The following FBXW10B variants were observed in gnomAD, a reference collection of about 807,000 sequenced individuals.
FBXW10B encodes F-box and WD repeat domain containing 10B, also known as F-box and WD repeat domain containing protein 10B.
chr17:15,586,801 G>C, the FBXW10B span, among the ~76,000 whole-genome samples: 5 of 151,614 alleles, frequency 3.3e-5, no homozygotes, highest in Admixed American at 3.3e-4. Flanking sequence ...GATGCAGGAG[G>C]TTAATAGACA....
At chr17:15,612,636 A>G in the FBXW10B span, 1 of 1,609,376 alleles carries the variant, frequency 6.2e-7, no homozygotes, top group Non-Finnish European at 8.5e-7. Flanking sequence ...TCTGGACCTC[A>G]GCCTTCAATG....
chr17:15,587,713 C>T, the FBXW10B span, among the ~76,000 whole-genome samples: 2 of 152,066 alleles, frequency 1.3e-5, no homozygotes, highest in African/African-American at 4.8e-5. Context: ...CACTGCAACC[C>T]TGTGCATAGA....
At chr17:15,599,494 C>T in the FBXW10B span, among the ~76,000 whole-genome samples, 7 of 134,464 alleles carry the variant, frequency 5.2e-5, no homozygotes, top group Non-Finnish European at 1.1e-4. Flanking sequence ...CTAACATGTA[C>T]AAAATGCTTG....
chr17:15,607,615 A>G, the FBXW10B span: 3 of 1,613,746 alleles, frequency 1.9e-6, no homozygotes, highest in South Asian at 3.3e-5. Context: ...CACAGAAAAC[A>G]TTTCTCTCCT....
the FBXW10B span, among the ~76,000 whole-genome samples, chr17:15,601,222 A>AAG: frequency 6.8e-5 from 10 of 147,158 alleles, no homozygotes; most frequent in Non-Finnish European, 1.4e-4. Context: ...ATCCTGGCTA[A>AAG]CACGGTGAAA....
chr17:15,615,221 G>A, the FBXW10B span, among the ~76,000 whole-genome samples: 4,233 of 150,378 alleles, frequency 0.028, 65 homozygotes, highest in African/African-American at 0.068. Context: ...CTAAATGAAT[G>A]TGAGTTCCTC....
the FBXW10B span, chr17:15,618,835 T>C: frequency 2.0e-6 from 2 of 984,984 alleles, no homozygotes; most frequent in African/African-American, 3.5e-5. Context: ...CATTTCTCCT[T>C]TGGTAAACAG....
chr17:15,617,375 C>T, the FBXW10B span, among the ~76,000 whole-genome samples: 1 of 152,096 alleles, frequency 6.6e-6, no homozygotes, highest in East Asian at 1.9e-4. Context: ...TGTGACCACC[C>T]CCTCCCAGCT....
chr17:15,588,322 T>C, the FBXW10B span: 1 of 170,392 alleles, frequency 5.9e-6, no homozygotes, highest in South Asian at 1.4e-4. Context: ...TTGCTACTCA[T>C]GATCACTAAT....
the FBXW10B span, among the ~76,000 whole-genome samples, chr17:15,606,625 GTACATATA>G: frequency 2.7e-5 from 4 of 147,040 alleles, no homozygotes; most frequent in Admixed American, 1.3e-4. Flanking sequence ...ATATATACAT[GTACATATA>G]TGTATATGTG....
At chr17:15,614,416 G>C in the FBXW10B span, among the ~76,000 whole-genome samples, 1 of 151,506 alleles carries the variant, frequency 6.6e-6, no homozygotes, top group Admixed American at 6.6e-5. Flanking sequence ...GGATGGTCTC[G>C]ATCTCCTGAC....
the FBXW10B span, among the ~76,000 whole-genome samples, chr17:15,566,843 C>T: frequency 6.6e-6 from 1 of 151,278 alleles, no homozygotes; most frequent in East Asian, 2.0e-4. Context: ...GGATTACAGG[C>T]GTGAGCCACC....
At chr17:15,567,830 C>T in the FBXW10B span, among the ~76,000 whole-genome samples, 1 of 152,194 alleles carries the variant, frequency 6.6e-6, no homozygotes, top group Non-Finnish European at 1.5e-5. Context: ...GAGTTGTTTA[C>T]AGAATTTGAA....
chr17:15,613,932 A>G, the FBXW10B span: 1 of 1,600,164 alleles, frequency 6.2e-7, no homozygotes, highest in African/African-American at 1.4e-5. Flanking sequence ...AGGTCAACCA[A>G]TAGATTGCAG....
At chr17:15,619,267 T>C in the FBXW10B span, 1 of 1,613,984 alleles carries the variant, frequency 6.2e-7, no homozygotes, top group Non-Finnish European at 8.5e-7. Context: ...TGAAATCCTT[T>C]CCCTGTGTGG....
chr17:15,571,830 T>G, the FBXW10B span: 2 of 152,166 alleles, frequency 1.3e-5, no homozygotes, highest in African/African-American at 2.4e-5. Context: ...GTGACACGGG[T>G]GTGTTTCAAA....
the FBXW10B span, among the ~76,000 whole-genome samples, chr17:15,599,982 T>C: frequency 6.6e-6 from 1 of 151,908 alleles, no homozygotes; most frequent in East Asian, 2.0e-4. Context: ...TTTGGGAGGC[T>C]GAGGCAAGCA....
the FBXW10B span, among the ~76,000 whole-genome samples, chr17:15,579,120 T>G: frequency 6.7e-6 from 1 of 149,722 alleles, no homozygotes; most frequent in Non-Finnish European, 1.5e-5. Flanking sequence ...GTTTGAGCAT[T>G]TTTTAGAGAT....
chr17:15,610,288 C>T, the FBXW10B span, among the ~76,000 whole-genome samples: 3 of 152,206 alleles, frequency 2.0e-5, no homozygotes, highest in Non-Finnish European at 4.4e-5. Flanking sequence ...AGAAGCCGCA[C>T]TCTCTTACAG....
Sources: gnomAD v4.1 joint callset for allele counts (sites outside exome capture counted in the v4.1 genomes callset) on GRCh38, gnomAD v4.1.1 for gene constraint, MANE v1.5 for transcripts, NCBI Gene and HGNC (gene_info 2026-07-23, HGNC 2026-07-21) for gene names.